The following LRTM3 variants were observed in gnomAD, a reference collection of about 807,000 sequenced individuals.
LRTM3 encodes the protein leucine rich repeat transmembrane protein 3.
the LRTM3 span, chr13:102,732,062 A>G: frequency 6.4e-7 from 1 of 1,551,320 alleles, no homozygotes. Flanking sequence ...TTGTTTGTCC[A>G]CTGCAAAGGG....
At chr13:102,750,935 C>A in the LRTM3 span, among the ~76,000 whole-genome samples, 1 of 152,146 alleles carries the variant, frequency 6.6e-6, no homozygotes, top group Non-Finnish European at 1.5e-5. Flanking sequence ...CACCCATGTA[C>A]CTCAAATGAT....
At chr13:102,736,144 A>C in the LRTM3 span, 1 of 1,543,432 alleles carries the variant, frequency 6.5e-7, no homozygotes, top group Non-Finnish European at 8.8e-7. Flanking sequence ...TTTTTCCTGC[A>C]CCTGATGATA....
chr13:102,748,809 A>C, the LRTM3 span: 4 of 1,550,530 alleles, frequency 2.6e-6, no homozygotes, highest in Non-Finnish European at 3.5e-6. Context: ...ACCATGAAGG[A>C]TTGTTCTAGC....
the LRTM3 span, chr13:102,736,320 G>A: frequency 6.4e-7 from 1 of 1,551,082 alleles, no homozygotes; most frequent in Non-Finnish European, 8.7e-7. Flanking sequence ...AGAGGACTGT[G>A]CTCAGTGATG....
At chr13:102,752,885 A>T in the LRTM3 span, among the ~76,000 whole-genome samples, 5 of 152,332 alleles carry the variant, frequency 3.3e-5, no homozygotes, top group African/African-American at 1.2e-4. Flanking sequence ...TAGTTAACTT[A>T]TTTATAACTG....
the LRTM3 span, chr13:102,732,548 C>T: frequency 1.3e-6 from 2 of 1,551,126 alleles, no homozygotes; most frequent in Non-Finnish European, 1.7e-6. Flanking sequence ...TAGTTGAATG[C>T]TTTGTTTTGC....
chr13:102,731,403 TC>T, the LRTM3 span: 2 of 1,551,514 alleles, frequency 1.3e-6, no homozygotes, highest in Non-Finnish European at 1.7e-6. Flanking sequence ...ATCTCTGGTA[TC>T]AGATTCAGTT....
the LRTM3 span, among the ~76,000 whole-genome samples, chr13:102,753,715 G>A: frequency 8.6e-5 from 13 of 152,026 alleles, no homozygotes; most frequent in African/African-American, 2.9e-4. Flanking sequence ...ACACATCTTT[G>A]TTATCTGCCC....
chr13:102,753,365 T>G, the LRTM3 span, among the ~76,000 whole-genome samples: 480 of 151,802 alleles, frequency 3.2e-3, 2 homozygotes, highest in African/African-American at 0.011. Flanking sequence ...GACAGACAAA[T>G]ACCTAAAGCA....
the LRTM3 span, chr13:102,749,604 C>T: frequency 6.4e-7 from 1 of 1,551,408 alleles, no homozygotes; most frequent in Non-Finnish European, 8.7e-7. Flanking sequence ...TGGTTCCTAT[C>T]CAGATCTTGG....
chr13:102,738,458 G>A, the LRTM3 span: 1 of 1,550,664 alleles, frequency 6.4e-7, no homozygotes. Flanking sequence ...AAGCACACTT[G>A]GTTCACCTTT....
chr13:102,738,732 C>A, the LRTM3 span: 6 of 1,550,560 alleles, frequency 3.9e-6, no homozygotes, highest in Admixed American at 1.2e-4. Context: ...GCTTCCTCTC[C>A]TTCTATTGTG....
At chr13:102,733,868 A>G in the LRTM3 span, 1 of 1,551,382 alleles carries the variant, frequency 6.4e-7, no homozygotes, top group Admixed American at 2.0e-5. Flanking sequence ...TGCTTGCTTA[A>G]CAACGTTTTT....
chr13:102,731,211 T>C, the LRTM3 span: 1 of 1,551,454 alleles, frequency 6.4e-7, no homozygotes. Context: ...ATCAGTGTCT[T>C]CATATTGCTG....
the LRTM3 span, chr13:102,749,301 G>A: frequency 6.4e-7 from 1 of 1,551,132 alleles, no homozygotes. Context: ...GACAAAAGAG[G>A]CACTGAGCTA....
chr13:102,747,979 T>C, the LRTM3 span: 7 of 1,551,056 alleles, frequency 4.5e-6, no homozygotes, highest in East Asian at 2.4e-5. Context: ...TTCTATCACA[T>C]TGTTGTGGCT....
At chr13:102,746,572 T>G in the LRTM3 span, 2 of 1,551,042 alleles carry the variant, frequency 1.3e-6, no homozygotes, top group Non-Finnish European at 1.7e-6. Flanking sequence ...TCTCTGAGAT[T>G]GATGGCTTCA....
the LRTM3 span, chr13:102,736,324 A>C: frequency 6.4e-7 from 1 of 1,551,080 alleles, no homozygotes; most frequent in Non-Finnish European, 8.7e-7. Context: ...GACTGTGCTC[A>C]GTGATGCTGA....
the LRTM3 span, chr13:102,736,766 C>G: frequency 6.4e-7 from 1 of 1,550,950 alleles, no homozygotes; most frequent in Non-Finnish European, 8.7e-7. Context: ...ATGCATTACA[C>G]TTTTCTCTGA....
Sources: allele counts gnomAD v4.1 joint callset (sites outside exome capture counted in the v4.1 genomes callset), GRCh38; gene constraint gnomAD v4.1.1; transcripts MANE v1.5; gene names NCBI Gene and HGNC (gene_info 2026-07-23, HGNC 2026-07-21).